Variants in LRMDA observed in about 807,000 individuals in gnomAD.
LRMDA encodes the protein leucine-rich melanocyte differentiation-associated protein.
LRMDA carries 18 observed loss-of-function variants against 29.8 expected under a neutral mutation model. That is an observed-to-expected ratio of 0.60 (90% CI 0.42 to 0.90). LRMDA has a LOEUF of 0.90. Among genes scored for constraint, LRMDA ranks in the 40% least tolerant of loss-of-function variants. LRMDA has a pLI of 0.00. For missense variants in LRMDA, 273 were observed against 273.9 expected, an observed-to-expected ratio of 1.00 and a Z score of 0.02; for synonymous variants, 125 against 109.4, an observed-to-expected ratio of 1.14 and a Z score of -0.89.
chr10:76,363,541 G>A (rs773643255), intron 6 of LRMDA, among the ~76,000 whole-genome samples: 4 of 152,086 alleles, frequency 2.6e-5, no homozygotes, highest in Non-Finnish European at 5.9e-5. Flanking sequence ...AAGTAGACCA[G>A]TTTAACTGGA....
intron 2 of LRMDA, among the ~76,000 whole-genome samples, chr10:75,792,110 G>A (rs982979634): frequency 7.3e-5 from 11 of 151,594 alleles, no homozygotes; most frequent in Non-Finnish European, 1.5e-4. Flanking sequence ...CCCCCGCCTC[G>A]GCCTCTCAAA....
At chr10:76,052,986 T>C (rs929688467) in intron 4 of LRMDA, among the ~76,000 whole-genome samples, 5 of 152,230 alleles carry the variant, frequency 3.3e-5, no homozygotes, top group African/African-American at 1.2e-4. Context: ...AGCAGTTTTA[T>C]AAATCTGAAG....
Position 75,683,108 on chromosome 10 carries a change from A to T in LRMDA, c.131+244614A>T, listed in dbSNP as rs1234049694. On this transcript the variant is annotated intron_variant, in intron 2 of 6. Transcript: ENST00000611255. The stretch of plus-strand genomic sequence containing the variant: ...GCTGGGCTGAGCTTTCTACAGGCCC[A>T]AACAAATTATATAGCTTATTTAGCT... 2.0e-5 allele frequency among the ~76,000 whole-genome samples: 3 copies of T among 152,334 alleles called. No individual in the cohort carries two copies. In the East Asian group the frequency reaches 5.8e-4, roughly 29 times the overall value.
chr10:76,040,945 C>T (rs1236967848), intron 3 of LRMDA, among the ~76,000 whole-genome samples: 2 of 152,200 alleles, frequency 1.3e-5, no homozygotes, highest in African/African-American at 4.8e-5. Context: ...ACGGAGACCA[C>T]TCCAGCGAGT....
chr10:76,298,162 A>G (rs1290424381), intron 5 of LRMDA, among the ~76,000 whole-genome samples: 2 of 152,224 alleles, frequency 1.3e-5, no homozygotes, highest in Non-Finnish European at 2.9e-5. Context: ...TACAGGGTGC[A>G]GGCTCAGTCA....
rs549237452 is a variant in LRMDA, at chr10:75,856,836, A to G, written c.132-179172A>G. On this transcript the variant is annotated intron_variant, in intron 2 of 6. Coordinates refer to ENST00000611255, the MANE Select transcript of LRMDA (RefSeq NM_001305581.2). ...AGTGTTGGAAGTTCTGGCCAGGGCAATCAGGCAGGAGAAGGAAATAAAGGG... is the reference window on the plus strand; with the variant it reads ...AGTGTTGGAAGTTCTGGCCAGGGCAGTCAGGCAGGAGAAGGAAATAAAGGG... Among the ~76,000 whole-genome samples the G allele has an allele frequency of 2.0e-5, 3 of 152,296 alleles. No homozygotes were observed. The South Asian group carries it at 6.2e-4, about 32-fold the overall frequency.
At chr10:76,299,594 C>G (rs201494699) in intron 5 of LRMDA, among the ~76,000 whole-genome samples, 1,455 of 121,206 alleles carry the variant, frequency 0.012, 35 homozygotes, top group East Asian at 0.095. Flanking sequence ...GAACCACCCC[C>G]CTTCCTTTCT....
At chr10:76,069,601 C>CTT (rs559273778) in intron 5 of LRMDA, among the ~76,000 whole-genome samples, 19 of 140,928 alleles carry the variant, frequency 1.3e-4, no homozygotes, top group African/African-American at 2.1e-4. Flanking sequence ...CCAAAGCTGT[C>CTT]TTTTTTTTTT....
intron 2 of LRMDA, among the ~76,000 whole-genome samples, chr10:76,033,595 A>T (rs1223179557): frequency 2.0e-5 from 3 of 152,058 alleles, no homozygotes; most frequent in Non-Finnish European, 4.4e-5. Flanking sequence ...CCAGTTGCCA[A>T]CCATTTGCTG....
intron 2 of LRMDA, among the ~76,000 whole-genome samples, chr10:75,777,425 T>C (rs1331927626): frequency 1.3e-5 from 2 of 152,206 alleles, no homozygotes; most frequent in African/African-American, 4.8e-5. Context: ...GCTCCTGTTA[T>C]TGCTAACATG....
intron 6 of LRMDA, among the ~76,000 whole-genome samples, chr10:76,363,370 G>T (rs570348440): frequency 3.3e-5 from 5 of 152,026 alleles, no homozygotes; most frequent in Non-Finnish European, 7.4e-5. Flanking sequence ...AAAGGAAGAA[G>T]TAAAACTGTC....
At chr10:75,493,339 T>G (rs1845008003) in intron 2 of LRMDA, among the ~76,000 whole-genome samples, 1 of 126,236 alleles carries the variant, frequency 7.9e-6, no homozygotes, top group Admixed American at 8.4e-5. Context: ...CCATAGAGGG[T>G]TGAGATTGGG....
At chr10:75,455,987 A>G (rs1471981069) in intron 2 of LRMDA, among the ~76,000 whole-genome samples, 2 of 152,196 alleles carry the variant, frequency 1.3e-5, no homozygotes, top group Non-Finnish European at 2.9e-5. Flanking sequence ...GAACAGGGTA[A>G]GTTTCTTCCC....
At chr10:76,394,070 C>T (rs1482104598) in intron 6 of LRMDA, among the ~76,000 whole-genome samples, 1 of 152,150 alleles carries the variant, frequency 6.6e-6, no homozygotes, top group South Asian at 2.1e-4. Flanking sequence ...AGGATACACC[C>T]TCTTCACACT....
intron 2 of LRMDA, among the ~76,000 whole-genome samples, chr10:75,699,031 T>C (rs1271236974): frequency 6.6e-6 from 1 of 151,958 alleles, no homozygotes; most frequent in African/African-American, 2.4e-5. Context: ...TGAAACTCCA[T>C]CTCTACTAAA....
intron 2 of LRMDA, among the ~76,000 whole-genome samples, chr10:75,728,132 G>A (rs1842651784): frequency 6.6e-6 from 1 of 152,156 alleles, no homozygotes; most frequent in African/African-American, 2.4e-5. Flanking sequence ...TTTGCCAGAA[G>A]ACACACAGCC....
chr10:76,393,546 CA>C (rs1194902373), intron 6 of LRMDA, among the ~76,000 whole-genome samples: 2 of 151,982 alleles, frequency 1.3e-5, no homozygotes, highest in Admixed American at 6.6e-5. Context: ...AGTCCTTATA[CA>C]TTTTTTTATA....
intron 6 of LRMDA, among the ~76,000 whole-genome samples, chr10:76,511,367 T>TG (rs1411694837): frequency 1.4e-5 from 2 of 142,642 alleles, no homozygotes; most frequent in East Asian, 4.4e-4. Flanking sequence ...GGGCCTGGGA[T>TG]TTTTTTTTAA....
At chr10:76,443,236 G>A (rs1842321770) in intron 6 of LRMDA, among the ~76,000 whole-genome samples, 1 of 152,144 alleles carries the variant, frequency 6.6e-6, no homozygotes, top group African/African-American at 2.4e-5. Flanking sequence ...GAACATATTT[G>A]TTTGGTTTAA....
Sources: allele counts gnomAD v4.1 joint callset (sites outside exome capture counted in the v4.1 genomes callset), GRCh38; gene constraint gnomAD v4.1.1; transcripts MANE v1.5; gene names NCBI Gene and HGNC (gene_info 2026-07-23, HGNC 2026-07-21).